The following EPB41L4A variants were observed in gnomAD, a reference collection of about 807,000 sequenced individuals.
EPB41L4A encodes erythrocyte membrane protein band 4.1 like 4A.
A neutral mutation model predicts 108.6 loss-of-function variants in EPB41L4A; 100 were observed. The ratio of observed to expected loss-of-function variants is 0.92; its 90% CI spans 0.78 to 1.09. The LOEUF (loss-of-function observed/expected upper bound fraction) is 1.09, where lower values mean the gene tolerates loss of function less well. Ranked by LOEUF, EPB41L4A falls within the 50% of genes least tolerant of loss-of-function variation. EPB41L4A has a pLI of 0.00. For missense variants in EPB41L4A, 1,030 were observed against 842.7 expected (o/e 1.22, Z -2.75); for synonymous variants, 319 against 289.0 (o/e 1.10, Z -1.05).
At chr5:112,339,545 T>A (rs1757173304) in intron 1 of EPB41L4A, among the ~76,000 whole-genome samples, 2 of 137,394 alleles carry the variant, frequency 1.5e-5, no homozygotes, top group Admixed American at 1.5e-4. Context: ...TATATATATT[T>A]TTTTTTTAGA....
intron 1 of EPB41L4A, among the ~76,000 whole-genome samples, chr5:112,331,950 C>T (rs1323550901): frequency 6.6e-6 from 1 of 152,208 alleles, no homozygotes; most frequent in African/African-American, 2.4e-5. Flanking sequence ...CCAAGAACAG[C>T]CAGGGGTTAG....
Position 112,165,125 on chromosome 5 carries a change from T to TGAA in EPB41L4A, c.1933-8_1933-7insTTC. 6.3e-7 allele frequency: 1 copy of TGAA among 1,581,970 alleles called. No homozygotes were observed. The highest frequency in any genetic ancestry group is 8.6e-7 in the Non-Finnish European group (1 of 1,157,832). Reference sequence around the variant, plus strand: ...CTTTAGACCCATTTCTTCTCTAAAATATATTTGAAAAATGTAGAAAGATTC... The same window carrying TGAA: ...CTTTAGACCCATTTCTTCTCTAAAATGAAATATTTGAAAAATGTAGAAAGATTC... On this transcript the variant is annotated splice_region_variant and splice_polypyrimidine_tract_variant and intron_variant, in intron 22 of 22. Transcript: ENST00000261486.
chr5:112,375,743 A>AGCT (rs1256473324), intron 1 of EPB41L4A, among the ~76,000 whole-genome samples: 3 of 152,092 alleles, frequency 2.0e-5, no homozygotes, highest in African/African-American at 7.2e-5. Context: ...TGGTGGTGGG[A>AGCT]GCTCATGGAC....
chr5:112,266,133 T>C, intron 5 of EPB41L4A, 100 bp downstream of exon 5: 6 of 845,026 alleles, frequency 7.1e-6, no homozygotes, highest in Non-Finnish European at 9.0e-6. Context: ...TTTTGCAAAA[T>C]CTCATGGATA....
At chr5:112,209,864 G>T (rs749250189) in intron 13 of EPB41L4A, 28 bp downstream of exon 13, 2 of 1,384,520 alleles carry the variant, frequency 1.4e-6, no homozygotes, top group Non-Finnish European at 1.0e-6. Flanking sequence ...GCATATAATT[G>T]TACGTTTCTT....
chr5:112,399,009 G>T (rs191379829), intron 1 of EPB41L4A, among the ~76,000 whole-genome samples: 1 of 151,928 alleles, frequency 6.6e-6, no homozygotes, highest in Non-Finnish European at 1.5e-5. Context: ...GTTAAAAAGA[G>T]GTATTCATCC....
At chr5:112,210,065 T>C (rs1234750904) in intron 12 of EPB41L4A, 83 bp from the exon 13 acceptor site, 44 of 850,510 alleles carry the variant, frequency 5.2e-5, no homozygotes, top group Non-Finnish European at 8.0e-5. Context: ...TATTTTAAAA[T>C]GCAATTTTAG....
chr5:112,338,421 G>A (rs1157222733), intron 1 of EPB41L4A, among the ~76,000 whole-genome samples: 1 of 152,114 alleles, frequency 6.6e-6, no homozygotes, highest in Non-Finnish European at 1.5e-5. Context: ...GCTCTCTCCA[G>A]CATGGCTGGC....
chr5:112,412,239 G>A (rs1455613828), intron 1 of EPB41L4A, among the ~76,000 whole-genome samples: 1 of 151,996 alleles, frequency 6.6e-6, no homozygotes, highest in African/African-American at 2.4e-5. Flanking sequence ...ACTTCCTCTT[G>A]GCATGTCAAT....
intron 3 of EPB41L4A, among the ~76,000 whole-genome samples, chr5:112,279,707 A>G (rs1752845601): frequency 6.6e-6 from 1 of 152,198 alleles, no homozygotes; most frequent in South Asian, 2.1e-4. Context: ...GGAAATTAAG[A>G]TTAAGGAATA....
chr5:112,318,431 T>C (rs535504789), intron 1 of EPB41L4A, among the ~76,000 whole-genome samples: 30 of 152,196 alleles, frequency 2.0e-4, no homozygotes, highest in Non-Finnish European at 3.8e-4. Flanking sequence ...GAAGTCTAAC[T>C]ACTCTGCTGG....
At chr5:112,280,661 G>C (rs1916994) in intron 2 of EPB41L4A, among the ~76,000 whole-genome samples, 8,537 of 152,170 alleles carry the variant, frequency 0.056, 769 homozygotes, top group African/African-American at 0.19. Flanking sequence ...AATACAAAGA[G>C]AAAGATGATG....
At chr5:112,193,421 C>T (rs1761805637) in intron 17 of EPB41L4A, among the ~76,000 whole-genome samples, 2 of 152,192 alleles carry the variant, frequency 1.3e-5, no homozygotes, top group South Asian at 2.1e-4. Flanking sequence ...CCTGCCTCTG[C>T]CTCCTGAGTA....
chr5:112,267,771 CTCTT>C (rs1751964455), intron 4 of EPB41L4A, among the ~76,000 whole-genome samples: 1 of 152,054 alleles, frequency 6.6e-6, no homozygotes. Context: ...GATCATGTCA[CTCTT>C]TCAGTTAAAA....
intron 12 of EPB41L4A, among the ~76,000 whole-genome samples, chr5:112,218,348 G>A (rs1399131725): frequency 1.3e-5 from 2 of 152,190 alleles, no homozygotes; most frequent in African/African-American, 4.8e-5. Flanking sequence ...GAATCAAGAG[G>A]TGTCACGAGT....
At chr5:112,147,300 C>T (rs1759295178) in intron 12 of EPB41L4A, among the ~76,000 whole-genome samples, 1 of 152,112 alleles carries the variant, frequency 6.6e-6, no homozygotes, top group African/African-American at 2.4e-5. Context: ...CAAACCACAC[C>T]TTATTTAATC....
chr5:112,402,168 T>C (rs1761801309), intron 1 of EPB41L4A, among the ~76,000 whole-genome samples: 1 of 152,078 alleles, frequency 6.6e-6, no homozygotes, highest in Admixed American at 6.6e-5. Flanking sequence ...TGATAGTGAG[T>C]GAGTTCTCAC....
At chr5:112,416,548 G>A (rs1372454554) in intron 1 of EPB41L4A, among the ~76,000 whole-genome samples, 1 of 152,112 alleles carries the variant, frequency 6.6e-6, no homozygotes, top group East Asian at 1.9e-4. Context: ...GCTAATTGAT[G>A]TTGCCTGCTT....
chr5:112,397,999 C>T (rs1201253998), intron 1 of EPB41L4A, among the ~76,000 whole-genome samples: 1 of 152,188 alleles, frequency 6.6e-6, no homozygotes, highest in Non-Finnish European at 1.5e-5. Flanking sequence ...AATCTCCCTT[C>T]TATGGTACTC....
Sources: gnomAD v4.1 joint callset for allele counts (sites outside exome capture counted in the v4.1 genomes callset) on GRCh38, gnomAD v4.1.1 for gene constraint, MANE v1.5 for transcripts, NCBI Gene and HGNC (gene_info 2026-07-23, HGNC 2026-07-21) for gene names.